Variants in UBR4 observed in about 807,000 individuals in gnomAD.
UBR4 encodes E3 ubiquitin-protein ligase UBR4.
Under a neutral mutation model 575.6 loss-of-function variants are expected in UBR4, and 124 were observed. The ratio of observed to expected loss-of-function variants is 0.22; its 90% CI spans 0.19 to 0.25. UBR4 has a LOEUF of 0.25. Ranked by LOEUF, UBR4 falls within the 10% of genes least tolerant of loss-of-function variation. The pLI is 1.00. For missense variants in UBR4, 4,818 were observed against 6,478.8 expected, an observed-to-expected ratio of 0.74 and a Z score of 8.80; for synonymous variants, 2,455 against 2,473.7, an observed-to-expected ratio of 0.99 and a Z score of 0.22.
At position 19,173,561 on chromosome 1, in the gene UBR4, G is replaced by A; in HGVS notation, c.3043C>T (p.Pro1015Ser). The A allele has an allele frequency of 6.2e-7, 1 of 1,614,184 alleles. No homozygotes were observed. Among genetic ancestry groups the A allele is most frequent in the Non-Finnish European group, 8.5e-7 (1 of 1,180,020 alleles). Residue 1015 changes from proline (P) to serine (S), a missense_variant, in exon 23 of 106, where the codon CCA becomes TCA. Pro to Ser is a moderately conservative substitution (Grantham distance 74). Transcript: ENST00000375254. ...AGCTGGTTAATGTAAGTCTTTGATG[G>A]TGGTAAAATTCCTAGGATCCTCCAC... ...ILWRILGILP[P>S]SKTYINQLSM...
At chr1:19,147,727 A>G (rs2150169482) in intron 51 of UBR4, among the ~76,000 whole-genome samples, 2 of 124,390 alleles carry the variant, frequency 1.6e-5, no homozygotes, top group African/African-American at 5.9e-5. Flanking sequence ...CCCACGCTCA[A>G]TATCCCTCCT....
At chr1:19,105,023 T>A in intron 85 of UBR4, 25 bp downstream of exon 85, 1 of 1,609,172 alleles carries the variant, frequency 6.2e-7, no homozygotes, top group Non-Finnish European at 8.5e-7. Context: ...GGGAAGGGGC[T>A]CTCTTGGGCA....
chr1:19,138,719 T>C (rs1463590218), intron 59 of UBR4, among the ~76,000 whole-genome samples: 2 of 152,074 alleles, frequency 1.3e-5, no homozygotes, highest in Admixed American at 1.3e-4. Flanking sequence ...CATAGGATAA[T>C]GGGTTTCAAG....
At chr1:19,081,843 C>A in intron 102 of UBR4, 1 of 660,310 alleles carries the variant, frequency 1.5e-6, no homozygotes, top group Non-Finnish European at 2.8e-6. Flanking sequence ...CAATTCCAAG[C>A]AACTACTGGT....
At chr1:19,082,783 C>T (rs1180023606) in intron 102 of UBR4, among the ~76,000 whole-genome samples, 1 of 152,188 alleles carries the variant, frequency 6.6e-6, no homozygotes, top group Non-Finnish European at 1.5e-5. Flanking sequence ...CTTGATCTTC[C>T]AGCCCTGTAG....
chr1:19,150,592 C>A lies in UBR4; in HGVS notation c.7415G>T (p.Gly2472Val), dbSNP rs763078470. The A allele has an allele frequency of 4.3e-6, 7 of 1,613,314 alleles. No individual in the cohort carries two copies. In the South Asian group the frequency reaches 7.7e-5, roughly 18 times the overall value. ...GCACTGGTACCTCTCCAGGACAGTT[C>A]CACTGGTCGTAGTGGGGGCAGCTGA... ...SDSAAPTTTS[G>V]TVLERLVVSS... The change falls in exon 49 of 106, where the codon GGA (glycine) becomes GTA (valine). Residue 2472 changes from glycine to valine, a missense_variant. Gly to Val is a moderately radical substitution (Grantham distance 109). This residue lies in a region of UBR4 where 340 missense variants were observed against 375.4 expected (regional missense o/e 0.91). Transcript: ENST00000375254.
intron 77 of UBR4, chr1:19,113,495 T>G (rs912395609): frequency 1.2e-5 from 9 of 723,568 alleles, no homozygotes; most frequent in Middle Eastern, 3.9e-4. Context: ...TTATCTAGCA[T>G]GAACTCAGCA....
chr1:19,167,674 TC>T (rs1406229261), intron 28 of UBR4, among the ~76,000 whole-genome samples: 1 of 152,306 alleles, frequency 6.6e-6, no homozygotes, highest in East Asian at 1.9e-4. Context: ...CCTGACCTAG[TC>T]CCTACAATGG....
In UBR4 at chr1:19,140,835, C is replaced by G; in HGVS notation, c.8546G>C (p.Ser2849Thr). 6.2e-7 allele frequency: 1 copy of G among 1,613,208 alleles called. No individual in the cohort carries two copies. The highest frequency in any genetic ancestry group is 8.5e-7 in the Non-Finnish European group (1 of 1,179,944). The change falls in exon 58 of 106, where the codon AGC becomes ACC. Residue 2849 changes from serine to threonine, a missense_variant. Physicochemically the swap from Ser to Thr is moderately conservative, Grantham distance 58. This residue lies in a region of UBR4 where 129 missense variants were observed against 198.4 expected (regional missense o/e 0.65). Transcript: ENST00000375254. ...GGTTCCTGCGTCCAGAGAGGAAGAGCTGGGTGCCTGGCCGGACAGTCCCAG... is the reference window on the plus strand; with the variant it reads ...GGTTCCTGCGTCCAGAGAGGAAGAGGTGGGTGCCTGGCCGGACAGTCCCAG... ...QSLGLSGQAP[S>T]SSSLDAGTLS...
intron 87 of UBR4, 53 bp downstream of exon 87, chr1:19,104,031 G>A (rs777565331): frequency 1.0e-5 from 16 of 1,576,936 alleles, no homozygotes; most frequent in Admixed American, 3.5e-5. Flanking sequence ...AATGCACCTC[G>A]GCAGCCCCAG....
rs749010816 is a variant in UBR4 at position 19,161,069 on chromosome 1, A to G, written c.5254T>C (p.Ser1752Pro). The change falls in exon 38 of 106, where the codon TCA becomes CCA. Residue 1752 changes from serine to proline, a missense_variant. Around this residue, in one of 29 missense-constraint regions of UBR4, gnomAD observed 159 missense variants for 174.6 expected, o/e 0.91. Transcript: ENST00000375254. The part of the protein sequence containing the change: ...ESAFQSEPRI[S>P]ESLVRHASTS... ...CTGGCATGACGCACTAGACTCTCTGAAATCCTGGGTTCACTCTGAAATGCC... is the reference window on the plus strand; with the variant it reads ...CTGGCATGACGCACTAGACTCTCTGGAATCCTGGGTTCACTCTGAAATGCC... The G allele has an allele frequency of 1.9e-6, 3 of 1,614,134 alleles. No homozygotes were observed. In the East Asian group the frequency reaches 6.7e-5, roughly 36 times the overall value.
chr1:19,144,874 A>T lies in UBR4; in HGVS notation c.7979T>A (p.Leu2660Gln). 1 of 1,614,184 alleles carries T rather than the reference A, an allele frequency of 6.2e-7. No individual in the cohort carries two copies. Among genetic ancestry groups the T allele is most frequent in the South Asian group, 1.1e-5 (1 of 91,084 alleles). The change falls in exon 54 of 106, where the codon CTG becomes CAG. Residue 2660 changes from leucine (L) to glutamine (Q), a missense_variant. Leu to Gln is a moderately radical substitution (Grantham distance 113). Coordinates refer to ENST00000375254, the MANE Select transcript of UBR4 (RefSeq NM_020765.3). ...LTHIEATVNA[L>Q]VDIIHGYCTC... ...ACAGTAGCCATGGATGATGTCCACC[A>T]GAGCATTGACAGTAGCTTCAATATG...
At chr1:19,084,414 T>G in intron 102 of UBR4, 90 bp downstream of exon 102, 21 of 1,362,502 alleles carry the variant, frequency 1.5e-5, no homozygotes, top group Non-Finnish European at 1.9e-5. Context: ...GGAACTAGCA[T>G]GAGAGGCTAT....
At chr1:19,177,347 C>T (rs1013963832) in intron 19 of UBR4, 114 bp downstream of exon 19, 53 of 1,395,604 alleles carry the variant, frequency 3.8e-5, no homozygotes, top group Non-Finnish European at 3.9e-5. Flanking sequence ...CATCAACCTA[C>T]CAAAACCTAA....
chr1:19,184,264 G>C (rs1310706041), intron 15 of UBR4, 89 bp from the exon 16 acceptor site: 1 of 1,362,290 alleles, frequency 7.3e-7, no homozygotes, highest in Non-Finnish European at 1.0e-6. Flanking sequence ...AATAAAATAT[G>C]CTCATAGGTA....
At chr1:19,190,312 A>AAAATATATATATATAT in intron 11 of UBR4, among the ~76,000 whole-genome samples, 7 of 79,912 alleles carry the variant, frequency 8.8e-5, no homozygotes, top group African/African-American at 2.1e-4. Context: ...AAAAAAAAAA[A>AAAATATATATATATAT]ATATATATAT....
Position 19,197,805 on chromosome 1 carries a change from G to A in UBR4, c.758C>T (p.Ser253Leu), listed in dbSNP as rs752731035. The change falls in exon 7 of 106, where the codon TCG becomes TTG. Residue 253 changes from serine to leucine, a missense_variant. Coordinates refer to ENST00000375254, the MANE Select transcript of UBR4 (RefSeq NM_020765.3). ...NVASLQELGG[S>L]EKLLRVCLNL... ...CAAACATACACGCAGTAGCTTCTCC[G>A]AGCCACCTAAATGAATGAAAACCAC... is the stretch of plus-strand genomic sequence containing the variant. The A allele has an allele frequency of 3.7e-6, 6 of 1,613,900 alleles. No individual in the cohort carries two copies. The highest frequency in any genetic ancestry group is 5.1e-6 in the Non-Finnish European group (6 of 1,180,004).
chr1:19,110,875 G>A lies in UBR4; in HGVS notation c.11802-43C>T. On this transcript the variant is annotated intron_variant, in intron 78 of 105. Transcript: ENST00000375254. This position sits in a 1 kb window ranked among gnomAD's most constrained non-coding sequence, Gnocchi z 4.5. Reference sequence around the variant, plus strand: ...AATGGAGTCCTATAATTCACAATCAGGTGTGACACTCCTTTCCACCTGAAG... The same window carrying A: ...AATGGAGTCCTATAATTCACAATCAAGTGTGACACTCCTTTCCACCTGAAG... 1 of 1,576,296 alleles carries A rather than the reference G, an allele frequency of 6.3e-7. No homozygotes were observed. Among genetic ancestry groups the A allele is most frequent in the Non-Finnish European group, 8.7e-7 (1 of 1,151,036 alleles).
At chr1:19,166,714 C>CAAAAAAAAAA (rs535369262) in intron 29 of UBR4, among the ~76,000 whole-genome samples, 8 of 73,754 alleles carry the variant, frequency 1.1e-4, no homozygotes, top group African/African-American at 4.0e-4. Flanking sequence ...CCATCTCTAC[C>CAAAAAAAAAA]AAAAAAAAAA....
Sources: gnomAD v4.1 joint callset for allele counts (sites outside exome capture counted in the v4.1 genomes callset) on GRCh38, gnomAD v4.1.1 for gene constraint, gnomAD v4.1.1 regional missense constraint, Gnocchi (gnomAD v3.1) non-coding constraint, MANE v1.5 for transcripts, NCBI Gene and HGNC (gene_info 2026-07-23, HGNC 2026-07-21) for gene names.